WASHC3: variants seen among roughly 807,000 people sequenced by gnomAD.
WASHC3 encodes the protein WASH complex subunit CCDC53.
Under a neutral mutation model 26.1 loss-of-function variants are expected in WASHC3, and 24 were observed. That is an observed-to-expected ratio of 0.92 (90% CI 0.66 to 1.29). The LOEUF (loss-of-function observed/expected upper bound fraction) is 1.29, where lower values mean the gene tolerates loss of function less well. WASHC3 is among the 50% of genes most tolerant of loss of function. The pLI is 0.00. For synonymous variants in WASHC3, 77 were observed against 75.7 expected (o/e 1.02, Z -0.09); for missense variants, 214 against 229.6 (o/e 0.93, Z 0.44).
At chr12:102,039,148 T>TTTTTTTTTTTTTTTTTG (rs1877821271) in intron 5 of WASHC3, among the ~76,000 whole-genome samples, 1 of 147,848 alleles carries the variant, frequency 6.8e-6, no homozygotes, top group Non-Finnish European at 1.5e-5. Context: ...TTTTTTTTTT[T>TTTTTTTTTTTTTTTTTG]TTTAATGTAG....
intron 6 of WASHC3, among the ~76,000 whole-genome samples, chr12:102,022,232 T>C (rs1204138613): frequency 6.6e-6 from 1 of 152,232 alleles, no homozygotes; most frequent in Non-Finnish European, 1.5e-5. Flanking sequence ...CTACTCTGTA[T>C]ATGTTAAATA....
rs761751093 is a variant in WASHC3 at position 102,046,075 on chromosome 12, A to T, written c.195T>A (p.Thr65=). 3 of 1,595,904 alleles carry T rather than the reference A, an allele frequency of 1.9e-6. No individual in the cohort carries two copies. The highest frequency in any genetic ancestry group is 2.6e-6 in the Non-Finnish European group (3 of 1,168,040). Residue 65 remains threonine (T), a synonymous_variant, in exon 3 of 7, where the codon ACT becomes ACA. Transcript: ENST00000240079. Reference sequence around the variant, plus strand: ...CAACCTTTGCATCTAAAATATTGAGAGTTGTTTCAATTTGTTGGATACGAA... The same window carrying T: ...CAACCTTTGCATCTAAAATATTGAGTGTTGTTTCAATTTGTTGGATACGAA... ...LSLRIQQIET[T]LNILDAKLSS... is the part of the protein sequence containing the mutation.
intron 1 of WASHC3, 112 bp from the exon 2 acceptor site, chr12:102,061,458 G>T (rs1209522032): frequency 2.8e-6 from 2 of 715,196 alleles, no homozygotes; most frequent in Admixed American, 2.2e-5. Context: ...TGAATTTCTT[G>T]AAGGACTGGG....
chr12:102,048,093 C>T (rs1878237338), intron 2 of WASHC3, among the ~76,000 whole-genome samples: 1 of 152,116 alleles, frequency 6.6e-6, no homozygotes, highest in Admixed American at 6.5e-5. Flanking sequence ...AACAAATGAT[C>T]AATTCGTTTC....
intron 6 of WASHC3, 68 bp from the exon 7 acceptor site, chr12:102,013,260 A>G: frequency 1.3e-6 from 1 of 772,232 alleles, no homozygotes; most frequent in Non-Finnish European, 2.1e-6. Context: ...AAACTCTTAA[A>G]TTTGGTTCAT....
At chr12:102,021,823 G>C (rs1411437736) in intron 6 of WASHC3, among the ~76,000 whole-genome samples, 2 of 130,186 alleles carry the variant, frequency 1.5e-5, no homozygotes, top group Admixed American at 1.5e-4. Flanking sequence ...AAATCTGCTG[G>C]GCATGCCATG....
chr12:102,014,434 T>A (rs148573177), intron 6 of WASHC3, among the ~76,000 whole-genome samples: 70 of 152,228 alleles, frequency 4.6e-4, no homozygotes, highest in African/African-American at 1.5e-3. Flanking sequence ...TTGACTCTTA[T>A]TAAACATTTA....
chr12:102,032,600 A>G (rs902946668), intron 5 of WASHC3, among the ~76,000 whole-genome samples: 3 of 152,184 alleles, frequency 2.0e-5, no homozygotes, highest in Non-Finnish European at 2.9e-5. Context: ...AAAAGGAAAA[A>G]AAAGTCAGAA....
chr12:102,023,956 G>A (rs899532960), intron 6 of WASHC3, among the ~76,000 whole-genome samples: 1 of 152,102 alleles, frequency 6.6e-6, no homozygotes, highest in Non-Finnish European at 1.5e-5. Flanking sequence ...ATCTTCCTCC[G>A]TGGTAGTTAC....
Position 102,037,463 on chromosome 12 carries a change from G to A in WASHC3, c.435+2405C>T, listed in dbSNP as rs528579234. ...GGCCAAGGAAGGCTGTACTTAGAAG[G>A]TAATATTTTTGAATACAGACTTGAA... On this transcript the variant is annotated intron_variant, in intron 5 of 6. Transcript: ENST00000240079. Among the ~76,000 whole-genome samples, 206 of 152,298 alleles carry A rather than the reference G, an allele frequency of 1.4e-3. 2 individuals are homozygous for A. Among genetic ancestry groups the A allele is most frequent in the Non-Finnish European group, 2.2e-3 (152 of 68,010 alleles).
chr12:102,052,211 C>G (rs1279023825), intron 2 of WASHC3, among the ~76,000 whole-genome samples: 2 of 152,210 alleles, frequency 1.3e-5, no homozygotes, highest in Non-Finnish European at 2.9e-5. Flanking sequence ...TTTTACAGAA[C>G]TCATGTCACC....
At chr12:102,059,323 G>A (rs1294693251) in intron 2 of WASHC3, among the ~76,000 whole-genome samples, 1 of 152,070 alleles carries the variant, frequency 6.6e-6, no homozygotes, top group African/African-American at 2.4e-5. Flanking sequence ...ATTTTTACCT[G>A]TCAATTTAAA....
intron 3 of WASHC3, among the ~76,000 whole-genome samples, chr12:102,045,105 TA>T (rs146922435): frequency 7.4e-5 from 11 of 148,524 alleles, no homozygotes; most frequent in South Asian, 2.1e-4. Flanking sequence ...GAATAATAAT[TA>T]AAAAAAAAAC....
chr12:102,046,623 C>T (rs1019737270), intron 2 of WASHC3, among the ~76,000 whole-genome samples: 2 of 152,134 alleles, frequency 1.3e-5, no homozygotes, highest in African/African-American at 2.4e-5. Flanking sequence ...ATTATATTCA[C>T]TTATAACAAA....
intron 5 of WASHC3, among the ~76,000 whole-genome samples, chr12:102,031,161 C>G (rs1383492120): frequency 1.3e-5 from 2 of 152,152 alleles, no homozygotes; most frequent in Non-Finnish European, 2.9e-5. Context: ...AGTTCACTGA[C>G]TTTAGCAGAG....
upstream of WASHC3, chr12:102,062,020 G>A (rs539994315): frequency 4.2e-6 from 6 of 1,435,010 alleles, no homozygotes; most frequent in Admixed American, 5.9e-5. Flanking sequence ...GATGGGGCCC[G>A]CCCAACCCGG....
chr12:102,039,886 A>G lies in WASHC3; in HGVS notation c.417T>C (p.Tyr139=), dbSNP rs377721607. ...TVAKDPRYAR[Y]LKMVQVGVPV... ...AGCTTACCACTTGAACCATTTTGAGATATCTGGCATATCTTGGATCCTTGG... is the reference window on the plus strand; with the variant it reads ...AGCTTACCACTTGAACCATTTTGAGGTATCTGGCATATCTTGGATCCTTGG... The change falls in exon 5 of 7, where the codon TAT becomes TAC. Residue 139 remains tyrosine, a synonymous_variant. Coordinates refer to ENST00000240079, the MANE Select transcript of WASHC3 (RefSeq NM_016053.4). 2.7e-5 allele frequency: 43 copies of G among 1,570,086 alleles called. No individual in the cohort carries two copies. In the African/African-American group the frequency reaches 5.4e-4, roughly 20 times the overall value.
chr12:102,033,928 T>A (rs1242106776), intron 5 of WASHC3, among the ~76,000 whole-genome samples: 1 of 152,096 alleles, frequency 6.6e-6, no homozygotes, highest in Non-Finnish European at 1.5e-5. Flanking sequence ...TTGTTATCGG[T>A]CTTTCTCTGC....
chr12:102,019,294 C>A, intron 6 of WASHC3: 1 of 296,658 alleles, frequency 3.4e-6, no homozygotes, highest in Non-Finnish European at 6.7e-6. Context: ...CCATCATTTC[C>A]AGGCGGGATA....
Sources: gnomAD v4.1 joint callset for allele counts (sites outside exome capture counted in the v4.1 genomes callset) on GRCh38, gnomAD v4.1.1 for gene constraint, MANE v1.5 for transcripts, NCBI Gene and HGNC (gene_info 2026-07-23, HGNC 2026-07-21) for gene names.